SH3D19: variants seen among roughly 807,000 people sequenced by gnomAD.
The protein encoded by SH3D19 is SH3 domain containing 19.
SH3D19 carries 58 observed loss-of-function variants against 112.1 expected under a neutral mutation model. The observed-to-expected ratio is 0.52, with a 90% CI of 0.42 to 0.64. The LOEUF (loss-of-function observed/expected upper bound fraction) is 0.64, where lower values mean the gene tolerates loss of function less well. SH3D19 is among the 30% of genes least tolerant of loss of function. The pLI is 0.00. For missense variants in SH3D19, 1,090 were observed against 1,263.4 expected, an observed-to-expected ratio of 0.86 and a Z score of 2.08; for synonymous variants, 391 against 448.5, an observed-to-expected ratio of 0.87 and a Z score of 1.62.
At chr4:151,180,200 TA>T (rs1760636083) in intron 3 of SH3D19, among the ~76,000 whole-genome samples, 1 of 152,202 alleles carries the variant, frequency 6.6e-6, no homozygotes, top group South Asian at 2.1e-4. Flanking sequence ...AACTAAGATA[TA>T]ATAATTAATG....
At chr4:151,144,186 T>C (rs1424458918) in intron 11 of SH3D19, 136 bp from the exon 12 acceptor site, 6 of 1,602,246 alleles carry the variant, frequency 3.7e-6, no homozygotes, top group Non-Finnish European at 5.1e-6. Flanking sequence ...ATTTTTTTTT[T>C]ACATTAACCA....
intron 2 of SH3D19, among the ~76,000 whole-genome samples, chr4:151,212,794 T>C (rs1161586024): frequency 6.6e-6 from 1 of 152,246 alleles, no homozygotes; most frequent in Non-Finnish European, 1.5e-5. Context: ...AAGGCCATAG[T>C]TGCCATAGAT....
chr4:151,325,146 C>CT lies in SH3D19; in HGVS notation c.112+94_112+95insA, dbSNP rs1561461600. 55 of 602,254 alleles carry CT rather than the reference C, an allele frequency of 9.1e-5. No homozygotes were observed. In the South Asian group the frequency reaches 4.3e-3, roughly 47 times the overall value. The allele number at this position is 602,254 out of a possible 1,614,324, so 37.3% of individuals were successfully genotyped here. Reference sequence around the variant, plus strand: ...GTTAAAGAAGCCGGTCCCATCCCGGCGCGTGAAGGAGCTGCCGCTGTGTGG... The same window carrying CT: ...GTTAAAGAAGCCGGTCCCATCCCGGCTGCGTGAAGGAGCTGCCGCTGTGTGG... On this transcript the variant is annotated intron_variant, in intron 1 of 19. Transcript: ENST00000604030.
chr4:151,139,579 C>CA (rs1420801596), intron 13 of SH3D19, among the ~76,000 whole-genome samples, 196 bp downstream of exon 13: 2 of 152,184 alleles, frequency 1.3e-5, no homozygotes, highest in Non-Finnish European at 2.9e-5. Flanking sequence ...CAAGGGTATA[C>CA]AACTAAGCTT....
chr4:151,170,453 A>ATG (rs1318260395), intron 7 of SH3D19: 1 of 152,154 alleles, frequency 6.6e-6, no homozygotes, highest in African/African-American at 2.4e-5. Context: ...TAAAGTAACT[A>ATG]GAAAAATAAA....
At chr4:151,234,478 C>G (rs985556320) in intron 1 of SH3D19, among the ~76,000 whole-genome samples, 3 of 152,128 alleles carry the variant, frequency 2.0e-5, no homozygotes, top group African/African-American at 7.2e-5. Flanking sequence ...AGGGGAGCGG[C>G]AAGGGAAGCT....
At chr4:151,273,747 G>A (rs1308205625) in intron 1 of SH3D19, among the ~76,000 whole-genome samples, 1 of 152,056 alleles carries the variant, frequency 6.6e-6, no homozygotes, top group Non-Finnish European at 1.5e-5. Context: ...TGAATAATAA[G>A]CTACCTTTAC....
chr4:151,265,191 C>T (rs576095565), intron 1 of SH3D19, among the ~76,000 whole-genome samples: 1 of 151,790 alleles, frequency 6.6e-6, no homozygotes, highest in Admixed American at 6.6e-5. Flanking sequence ...AGAATGATTA[C>T]AATTTATTCT....
chr4:151,192,164 C>T (rs953360257), intron 2 of SH3D19, among the ~76,000 whole-genome samples: 7 of 152,156 alleles, frequency 4.6e-5, no homozygotes, highest in African/African-American at 1.7e-4. Flanking sequence ...GTCTCGATCT[C>T]CTGACCTCGT....
intron 1 of SH3D19, among the ~76,000 whole-genome samples, chr4:151,284,346 T>G (rs1278247179): frequency 6.6e-6 from 1 of 152,202 alleles, no homozygotes; most frequent in African/African-American, 2.4e-5. Context: ...TCATTTACAT[T>G]TTAAGTCCAT....
At chr4:151,251,028 C>T (rs867004525) in intron 1 of SH3D19, among the ~76,000 whole-genome samples, 8 of 152,122 alleles carry the variant, frequency 5.3e-5, no homozygotes, top group Non-Finnish European at 1.0e-4. Context: ...CCATTCACTG[C>T]CTTTTCATCA....
chr4:151,311,007 A>G lies in SH3D19; in HGVS notation c.112+14234T>C, dbSNP rs922657693. ...AACAAAATGTGGTGTGTGTGTATAC[A>G]TATTATATATGTATACACTTAGGTT... On this transcript the variant is annotated intron_variant, in intron 1 of 19. Transcript: ENST00000604030. 6.0e-5 allele frequency among the ~76,000 whole-genome samples: 9 copies of G among 149,740 alleles called. 1 individual carries two copies. Among genetic ancestry groups the G allele is most frequent in the Non-Finnish European group, 1.5e-5 (1 of 67,572 alleles).
chr4:151,149,707 A>C (rs1236448483), intron 9 of SH3D19, 146 bp from the exon 10 acceptor site: 1 of 652,004 alleles, frequency 1.5e-6, no homozygotes, highest in Non-Finnish European at 2.7e-6. Flanking sequence ...TTTCAGCCTT[A>C]AACAATATTA....
intron 2 of SH3D19, among the ~76,000 whole-genome samples, chr4:151,207,946 C>A (rs1765350097): frequency 6.6e-6 from 1 of 152,206 alleles, no homozygotes. Flanking sequence ...AGAGATAACA[C>A]TGAAAATCAT....
At position 151,282,239 on chromosome 4, in the gene SH3D19, G is replaced by A. The variant is rs776597681; in HGVS notation, c.112+43002C>T. 3.3e-5 allele frequency: 53 copies of A among 1,613,882 alleles called. 3 individuals carry two copies. In the South Asian group the frequency reaches 5.3e-4, roughly 16 times the overall value. ...TGTGAAGTACTACGTGTCCAAAATC[G>A]TCATCCATCCCAAGTACCAAGATAC... On this transcript the variant is annotated intron_variant, in intron 1 of 19. Transcript: ENST00000604030.
At chr4:151,126,031 AG>A (rs1749239672) in intron 19 of SH3D19, among the ~76,000 whole-genome samples, 1 of 152,294 alleles carries the variant, frequency 6.6e-6, no homozygotes, top group African/African-American at 2.4e-5. Flanking sequence ...ATTTCAGTCA[AG>A]GCATCCCCCC....
chr4:151,157,926 T>C (rs902298487), intron 9 of SH3D19, among the ~76,000 whole-genome samples: 7 of 152,162 alleles, frequency 4.6e-5, no homozygotes, highest in African/African-American at 1.7e-4. Context: ...CGGAGGATAC[T>C]AGAGGCTGGG....
chr4:151,180,411 CTT>C (rs367719721), intron 3 of SH3D19, among the ~76,000 whole-genome samples: 4 of 130,756 alleles, frequency 3.1e-5, no homozygotes, highest in Non-Finnish European at 4.7e-5. Context: ...ATTTTTTTTT[CTT>C]TTTTTTTTTT....
At chr4:151,148,426 G>A (rs1754335740) in intron 10 of SH3D19, among the ~76,000 whole-genome samples, 2 of 152,030 alleles carry the variant, frequency 1.3e-5, no homozygotes, top group African/African-American at 4.8e-5. Flanking sequence ...CTTATCTTGC[G>A]CTAGAGATTC....
Sources: gnomAD v4.1 joint callset for allele counts (sites outside exome capture counted in the v4.1 genomes callset) on GRCh38, gnomAD v4.1.1 for gene constraint, MANE v1.5 for transcripts, NCBI Gene and HGNC (gene_info 2026-07-23, HGNC 2026-07-21) for gene names.